Variants in LRRC8B observed in about 807,000 individuals in gnomAD.
The protein encoded by LRRC8B is volume-regulated anion channel subunit LRRC8B.
A neutral mutation model predicts 58.8 loss-of-function variants in LRRC8B; 23 were observed. That is an observed-to-expected ratio of 0.39 (90% CI 0.28 to 0.55). The LOEUF is 0.55. LRRC8B is among the 20% of genes least tolerant of loss of function. LRRC8B has a pLI of 0.62. For missense variants in LRRC8B, 694 were observed against 936.0 expected, an observed-to-expected ratio of 0.74 and a Z score of 3.37; for synonymous variants, 359 against 374.1, an observed-to-expected ratio of 0.96 and a Z score of 0.47.
chr1:89,586,816 T>C (rs890601906), intron 5 of LRRC8B, among the ~76,000 whole-genome samples: 3 of 152,166 alleles, frequency 2.0e-5, no homozygotes, highest in Admixed American at 1.3e-4. Flanking sequence ...CATCTTTGAA[T>C]TGGTGAACTT....
chr1:89,555,610 G>A (rs186595574), intron 1 of LRRC8B, among the ~76,000 whole-genome samples: 214 of 152,298 alleles, frequency 1.4e-3, no homozygotes, highest in Middle Eastern at 6.8e-3. Flanking sequence ...TAAATGTTAT[G>A]AATGGAAGGG....
chr1:89,558,111 GA>G, intron 1 of LRRC8B, among the ~76,000 whole-genome samples: 1 of 152,318 alleles, frequency 6.6e-6, no homozygotes, highest in East Asian at 1.9e-4. Flanking sequence ...GATAAAGCAA[GA>G]GGTGGCCATA....
intron 3 of LRRC8B, among the ~76,000 whole-genome samples, chr1:89,579,093 T>TTTGGATAG (rs1403023635): frequency 6.6e-6 from 1 of 152,216 alleles, no homozygotes; most frequent in African/African-American, 2.4e-5. Flanking sequence ...TGGTTTTAAA[T>TTTGGATAG]ATGGGTACAG....
intron 5 of LRRC8B, among the ~76,000 whole-genome samples, chr1:89,587,018 A>C (rs1654673542): frequency 6.6e-6 from 1 of 152,212 alleles, no homozygotes; most frequent in Admixed American, 6.5e-5. Context: ...CATGGAGAAC[A>C]AAACTTGCTG....
intron 1 of LRRC8B, among the ~76,000 whole-genome samples, chr1:89,546,152 G>A (rs569225148): frequency 6.6e-6 from 1 of 152,116 alleles, no homozygotes; most frequent in African/African-American, 2.4e-5. Flanking sequence ...ATGTTCAAAG[G>A]CATAGTAGGA....
In LRRC8B at chr1:89,593,043, A is replaced by AC; in HGVS notation, c.*1dup. On this transcript the variant is annotated 3_prime_UTR_variant, in exon 6 of 6. Transcript: ENST00000330947. ...TACAGACGTGCTTAGACAAATGTTG[A>AC]CTTAAAGAAAAGAGACCCGTGTTTC... 6.2e-7 allele frequency: 1 copy of AC among 1,608,106 alleles called. No homozygotes were observed. The highest frequency in any genetic ancestry group is 8.5e-7 in the Non-Finnish European group (1 of 1,176,014).
At chr1:89,551,240 A>G (rs890056446) in intron 1 of LRRC8B, among the ~76,000 whole-genome samples, 1 of 152,084 alleles carries the variant, frequency 6.6e-6, no homozygotes, top group Non-Finnish European at 1.5e-5. Flanking sequence ...ATACCTGTTC[A>G]TCTTACAAGA....
chr1:89,539,011 C>T (rs950299214), intron 1 of LRRC8B, among the ~76,000 whole-genome samples: 3 of 152,266 alleles, frequency 2.0e-5, no homozygotes, highest in South Asian at 2.1e-4. Flanking sequence ...TGTGAGCCAC[C>T]GCACCCAGCC....
intron 5 of LRRC8B, among the ~76,000 whole-genome samples, chr1:89,592,525 G>A (rs574969916): frequency 4.6e-5 from 7 of 152,140 alleles, no homozygotes; most frequent in South Asian, 4.2e-4. Context: ...AACCAAATTC[G>A]TTGCCCACCC....
chr1:89,592,702 A>G lies in LRRC8B; in HGVS notation c.2140-69A>G. ...TGTTTTGTTTTTTTTTTTTTGGAAA[A>G]AAGGTAAATGTCTTATCATAAGCCA... On this transcript the variant is annotated intron_variant, in intron 5 of 5. Transcript: ENST00000330947. The G allele has an allele frequency of 7.4e-6, 10 of 1,352,500 alleles. No individual in the cohort carries two copies. In the South Asian group the frequency reaches 1.2e-4, roughly 16 times the overall value. The allele number at this position is 1,352,500 out of a possible 1,614,324, so 83.8% of individuals were successfully genotyped here.
intron 1 of LRRC8B, among the ~76,000 whole-genome samples, chr1:89,541,454 G>A (rs1193218271): frequency 1.3e-5 from 2 of 152,038 alleles, no homozygotes; most frequent in Non-Finnish European, 2.9e-5. Flanking sequence ...GCTCACGCCT[G>A]TAATCCCAGC....
At chr1:89,566,867 T>A (rs1012792573) in intron 1 of LRRC8B, among the ~76,000 whole-genome samples, 1 of 152,210 alleles carries the variant, frequency 6.6e-6, no homozygotes, top group East Asian at 1.9e-4. Context: ...AGCCTTCCTT[T>A]CAGGAGGAAG....
intron 1 of LRRC8B, among the ~76,000 whole-genome samples, chr1:89,551,303 A>G (rs1651790451): frequency 6.6e-6 from 1 of 152,208 alleles, no homozygotes; most frequent in Admixed American, 6.5e-5. Flanking sequence ...TTATAGGATC[A>G]AGCTCTTGCT....
Position 89,593,184 on chromosome 1 carries a change from G to A in LRRC8B, c.*141G>A. On this transcript the variant is annotated 3_prime_UTR_variant, in exon 6 of 6. Coordinates refer to ENST00000330947, the MANE Select transcript of LRRC8B (RefSeq NM_001369817.2). ...GAGGTCAGGAGTTCGAGACCAGTCT[G>A]GCCAACCTGGTGAAACCCCATCTCT... The A allele has an allele frequency of 2.6e-6, 2 of 756,330 alleles. No individual in the cohort carries two copies. Among genetic ancestry groups the A allele is most frequent in the Non-Finnish European group, 2.1e-6 (1 of 471,796 alleles). 46.9% of individuals were successfully genotyped at this position (756,330 alleles called of 1,614,324 possible).
At chr1:89,525,949 A>G (rs1649662031) in intron 1 of LRRC8B, among the ~76,000 whole-genome samples, 1 of 152,214 alleles carries the variant, frequency 6.6e-6, no homozygotes, top group Non-Finnish European at 1.5e-5. Flanking sequence ...AAAACAGGCA[A>G]TTTGTTCAGC....
chr1:89,544,293 T>TA (rs529981505), intron 1 of LRRC8B, among the ~76,000 whole-genome samples: 24 of 151,854 alleles, frequency 1.6e-4, no homozygotes, highest in East Asian at 5.8e-4. Flanking sequence ...AAAGTCGTAG[T>TA]AAAAAAAAAT....
At chr1:89,570,028 A>G (rs1653332747) in intron 3 of LRRC8B, among the ~76,000 whole-genome samples, 2 of 152,242 alleles carry the variant, frequency 1.3e-5, no homozygotes, top group African/African-American at 2.4e-5. Flanking sequence ...AGCTCCATCC[A>G]TGTCCCTTCA....
chr1:89,532,661 ATGCAGAAC>A (rs1650227833), intron 1 of LRRC8B, among the ~76,000 whole-genome samples: 1 of 152,216 alleles, frequency 6.6e-6, no homozygotes, highest in East Asian at 1.9e-4. Flanking sequence ...ACCCAAAGCC[ATGCAGAAC>A]TGCGAGTCAT....
intron 1 of LRRC8B, among the ~76,000 whole-genome samples, chr1:89,527,456 A>G (rs1182297764): frequency 1.7e-4 from 26 of 152,244 alleles, no homozygotes; most frequent in Non-Finnish European, 1.0e-4. Context: ...CAGGTTCTCC[A>G]CTGCTATCCT....
Sources: gnomAD v4.1 joint callset for allele counts (sites outside exome capture counted in the v4.1 genomes callset) on GRCh38, gnomAD v4.1.1 for gene constraint, MANE v1.5 for transcripts, NCBI Gene and HGNC (gene_info 2026-07-23, HGNC 2026-07-21) for gene names.